Variants in ADARB2 observed in about 807,000 individuals in gnomAD.
The protein encoded by ADARB2 is inactive double-stranded RNA-specific editase B2.
ADARB2 carries 25 observed loss-of-function variants against 62.2 expected under a neutral mutation model. That is an observed-to-expected ratio of 0.40 (90% confidence interval 0.29 to 0.56). The LOEUF (loss-of-function observed/expected upper bound fraction) is 0.56. Ranked by LOEUF, ADARB2 falls within the 20% of genes least tolerant of loss-of-function variation. The pLI is 0.43. For missense variants in ADARB2, 1,071 were observed against 1,077.4 expected (o/e 0.99, Z 0.08); for synonymous variants, 572 against 500.8 (o/e 1.14, Z -1.90).
intron 1 of ADARB2, among the ~76,000 whole-genome samples, chr10:1,519,026 C>G (rs879256781): frequency 5.7e-4 from 87 of 151,846 alleles, no homozygotes; most frequent in Admixed American, 8.5e-4. Flanking sequence ...ATGGTATGGT[C>G]ATACACACGC....
chr10:1,563,642 T>G (rs1326557982), intron 1 of ADARB2, among the ~76,000 whole-genome samples: 1 of 152,122 alleles, frequency 6.6e-6, no homozygotes, highest in East Asian at 1.9e-4. Context: ...TTTTTATTAT[T>G]ATTATACTTT....
chr10:1,337,093 T>TGTGTGTGTG (rs1554755012), intron 3 of ADARB2, among the ~76,000 whole-genome samples: 6 of 150,488 alleles, frequency 4.0e-5, no homozygotes, highest in South Asian at 2.1e-4. Flanking sequence ...TGTGTGTGTG[T>TGTGTGTGTG]TTTAGATATA....
chr10:1,557,254 G>C (rs1041910523), intron 1 of ADARB2, among the ~76,000 whole-genome samples: 1 of 151,214 alleles, frequency 6.6e-6, no homozygotes, highest in Non-Finnish European at 1.5e-5. Flanking sequence ...CTGACTCCCC[G>C]TCCTCCCCTT....
chr10:1,464,118 G>A (rs1235918200), intron 1 of ADARB2, among the ~76,000 whole-genome samples: 1 of 151,632 alleles, frequency 6.6e-6, no homozygotes, highest in Non-Finnish European at 1.5e-5. Flanking sequence ...CAGTGTGCCG[G>A]AGAAGAGGGT....
intron 1 of ADARB2, among the ~76,000 whole-genome samples, chr10:1,540,458 C>T (rs1422614378): frequency 6.6e-6 from 1 of 151,252 alleles, no homozygotes; most frequent in Non-Finnish European, 1.5e-5. Flanking sequence ...ACCCCATGAT[C>T]ACAGCCGCCC....
chr10:1,382,785 C>T (rs1293894410), intron 1 of ADARB2, among the ~76,000 whole-genome samples: 1 of 151,918 alleles, frequency 6.6e-6, no homozygotes, highest in African/African-American at 2.4e-5. Context: ...CCCACGCTAC[C>T]GCCGCCTCCC....
chr10:1,539,101 C>T (rs774516077), intron 1 of ADARB2, among the ~76,000 whole-genome samples: 28 of 152,148 alleles, frequency 1.8e-4, no homozygotes, highest in Admixed American at 1.6e-3. Context: ...GAGACTGTAG[C>T]GGAGGGGAGG....
chr10:1,437,811 C>T (rs551899023), intron 1 of ADARB2, among the ~76,000 whole-genome samples: 1 of 152,270 alleles, frequency 6.6e-6, no homozygotes, highest in East Asian at 1.9e-4. Flanking sequence ...GTGCAGGAAA[C>T]AGTAAAACTT....
intron 3 of ADARB2, among the ~76,000 whole-genome samples, chr10:1,297,594 C>G (rs552750203): frequency 5.1e-4 from 78 of 152,302 alleles, no homozygotes; most frequent in Non-Finnish European, 7.9e-4. Context: ...ACAAGGAGCC[C>G]CCTCTGAACC....
chr10:1,184,790 A>C, intron 9 of ADARB2, 71 bp downstream of exon 9: 1 of 1,534,594 alleles, frequency 6.5e-7, no homozygotes, highest in Non-Finnish European at 8.8e-7. Context: ...GGCCTCTCCC[A>C]AGAGCTTGCT....
Position 1,680,984 on chromosome 10 carries a change from T to C in ADARB2, c.100+56067A>G, listed in dbSNP as rs1227631720. On this transcript the variant is annotated intron_variant, in intron 1 of 9. Transcript: ENST00000381312. ...GTAGAACACAGTATTCTCACGCCAA[T>C]AGTGACGGATGTGTGTCTATAAACA... 2.0e-5 allele frequency among the ~76,000 whole-genome samples: 3 copies of C among 152,306 alleles called. No individual in the cohort carries two copies. The East Asian group carries it at 5.8e-4, about 29-fold the overall frequency.
At chr10:1,614,107 C>T (rs1833602395) in intron 1 of ADARB2, among the ~76,000 whole-genome samples, 1 of 152,118 alleles carries the variant, frequency 6.6e-6, no homozygotes, top group Non-Finnish European at 1.5e-5. Flanking sequence ...GCCTGAAAAC[C>T]ACCGAGGCTG....
At chr10:1,519,235 T>C (rs576455370) in intron 1 of ADARB2, among the ~76,000 whole-genome samples, 1 of 149,522 alleles carries the variant, frequency 6.7e-6, no homozygotes, top group East Asian at 2.0e-4. Context: ...TGTGGTCACA[T>C]GCATGCATTC....
At chr10:1,653,495 G>C (rs1196689942) in intron 1 of ADARB2, among the ~76,000 whole-genome samples, 1 of 152,100 alleles carries the variant, frequency 6.6e-6, no homozygotes, top group South Asian at 2.1e-4. Flanking sequence ...CTCTCCACCC[G>C]ACGCCTTGTG....
At chr10:1,334,429 G>T (rs1831955506) in intron 3 of ADARB2, among the ~76,000 whole-genome samples, 1 of 152,196 alleles carries the variant, frequency 6.6e-6, no homozygotes, top group Admixed American at 6.5e-5. Context: ...CTTCCAGAGA[G>T]TAGGAATATT....
intron 1 of ADARB2, among the ~76,000 whole-genome samples, chr10:1,427,239 G>C (rs1199191106): frequency 2.0e-5 from 3 of 152,334 alleles, no homozygotes; most frequent in Admixed American, 2.0e-4. Flanking sequence ...GACCTCATCA[G>C]AATTAAAAGC....
intron 1 of ADARB2, among the ~76,000 whole-genome samples, chr10:1,492,737 T>G (rs1161418587): frequency 1.3e-5 from 2 of 151,902 alleles, no homozygotes; most frequent in East Asian, 3.9e-4. Flanking sequence ...CCCGGCCTTC[T>G]GAGTCTCACA....
intron 1 of ADARB2, among the ~76,000 whole-genome samples, chr10:1,672,735 G>GCTCCTGCCTCCCTCCACGCATGGAAAGT (rs141051793): frequency 0.32 from 46,799 of 146,154 alleles, 8,547 homozygotes; most frequent in East Asian, 0.47. Flanking sequence ...GCACCGCAAG[G>GCTCCTGCCTCCCTCCACGCATGGAAAGT]CTCCTGCCTC....
At chr10:1,611,657 C>T (rs1256008837) in intron 1 of ADARB2, among the ~76,000 whole-genome samples, 4 of 149,184 alleles carry the variant, frequency 2.7e-5, no homozygotes, top group Non-Finnish European at 4.4e-5. Flanking sequence ...ATGACACATA[C>T]ATTAGGCTGA....
Sources: gnomAD v4.1 joint callset for allele counts (sites outside exome capture counted in the v4.1 genomes callset) on GRCh38, gnomAD v4.1.1 for gene constraint, MANE v1.5 for transcripts, NCBI Gene and HGNC (gene_info 2026-07-23, HGNC 2026-07-21) for gene names.